SCN1A: variants seen among roughly 807,000 people sequenced by gnomAD.
SCN1A encodes the protein sodium voltage-gated channel alpha subunit 1.
A neutral mutation model predicts 193.7 loss-of-function variants in SCN1A; 13 were observed. The ratio of observed to expected loss-of-function variants is 0.07; its 90% CI spans 0.04 to 0.11. The LOEUF (loss-of-function observed/expected upper bound fraction) is 0.11. Ranked by LOEUF, SCN1A falls within the 10% of genes least tolerant of loss-of-function variation. The pLI, the probability that SCN1A is intolerant of heterozygous loss-of-function variation, is 1.00. For synonymous variants in SCN1A, 781 were observed against 843.6 expected, an observed-to-expected ratio of 0.93 and a Z score of 1.29; for missense variants, 1,432 against 2,451.1, an observed-to-expected ratio of 0.58 and a Z score of 8.78.
rs1688718939 is a variant in SCN1A at position 165,988,057 on chromosome 2, C to T, written c.*3188G>A. ...CCCTTTTCTGGTTGAGGCTATATTCCCTCTTCTGGCTTCACCTGATGACAA... is the reference window on the plus strand; with the variant it reads ...CCCTTTTCTGGTTGAGGCTATATTCTCTCTTCTGGCTTCACCTGATGACAA... On this transcript the variant is annotated 3_prime_UTR_variant, in exon 29 of 29. Coordinates refer to ENST00000674923, the MANE Select transcript of SCN1A (RefSeq NM_001165963.4). The T allele has an allele frequency of 6.6e-6, 1 of 151,952 alleles. No homozygotes were observed. The highest frequency in any genetic ancestry group is 1.5e-5 in the Non-Finnish European group (1 of 68,002). 9.4% of individuals were successfully genotyped at this position (151,952 alleles called of 1,614,324 possible).
Position 166,009,831 on chromosome 2 carries a change from A to G in SCN1A, c.3890T>C (p.Val1297Ala), listed in dbSNP as rs781267314. ...ACCCAAGGCATTTGCTGTTAAACTGACCAATGAAACCTGCACACACAAAAA... is the reference window on the plus strand; with the variant it reads ...ACCCAAGGCATTTGCTGTTAAACTGGCCAATGAAACCTGCACACACAAAAA... ...LDFLIVDVSL[V>A]SLTANALGYS... The change falls in exon 23 of 29, where the codon GTC (valine) becomes GCC (alanine). Residue 1297 changes from valine to alanine, a missense_variant. Coordinates refer to ENST00000674923, the MANE Select transcript of SCN1A (RefSeq NM_001165963.4). 1.9e-6 allele frequency: 3 copies of G among 1,606,632 alleles called. No individual in the cohort carries two copies. The highest frequency in any genetic ancestry group is 2.6e-6 in the Non-Finnish European group (3 of 1,174,668).
intron 19 of SCN1A, among the ~76,000 whole-genome samples, chr2:166,032,234 C>CACAG (rs1695722740): frequency 1.3e-5 from 2 of 151,736 alleles, no homozygotes; most frequent in Non-Finnish European, 3.0e-5. Flanking sequence ...CACACACACA[C>CACAG]AGAGACAGAG....
At chr2:165,993,718 T>C (rs1430273379) in intron 28 of SCN1A, 1 of 184,214 alleles carries the variant, frequency 5.4e-6, no homozygotes, top group Non-Finnish European at 1.1e-5. Context: ...ATACTTTTCC[T>C]TATCTTGAAA....
Position 165,999,795 on chromosome 2 carries a change from A to G in SCN1A, c.4285-19T>C. 6.4e-7 allele frequency: 1 copy of G among 1,574,352 alleles called. No homozygotes were observed. Among genetic ancestry groups the G allele is most frequent in the South Asian group, 1.1e-5 (1 of 90,290 alleles). ...ATGTGGCCTATTAAGAAGGACATGC[A>G]TGTTTTACTTTGGAGTAAAAATAAT... is the stretch of plus-strand genomic sequence containing the variant. On this transcript the variant is annotated intron_variant, in intron 24 of 28. Transcript: ENST00000674923.
At chr2:166,018,518 G>C (rs967126794) in intron 19 of SCN1A, among the ~76,000 whole-genome samples, 2 of 151,766 alleles carry the variant, frequency 1.3e-5, no homozygotes, top group African/African-American at 4.8e-5. Flanking sequence ...TTTATTTTTA[G>C]GATGCTTACC....
chr2:166,073,577 G>A lies in SCN1A; in HGVS notation c.45C>T (p.Asn15=), dbSNP rs1476577134. ...VLVPPGPDSF[N]FFTRESLAAI... ...CCGCAAGAGATTCTCTGGTGAAGAA[G>A]TTGAAGCTGTCAGGTCCTGGTGGTA... The change falls in exon 4 of 29, where the codon AAC becomes AAT. Residue 15 remains asparagine, a synonymous_variant. Transcript: ENST00000674923. 1.2e-6 allele frequency: 2 copies of A among 1,614,070 alleles called. No homozygotes were observed. Among genetic ancestry groups the A allele is most frequent in the African/African-American group, 2.7e-5 (2 of 74,932 alleles).
intron 2 of SCN1A, among the ~76,000 whole-genome samples, chr2:166,114,834 A>G (rs922547489): frequency 2.0e-5 from 3 of 152,176 alleles, no homozygotes; most frequent in Non-Finnish European, 4.4e-5. Flanking sequence ...TGAAAACACC[A>G]TAGGAATCCC....
At chr2:165,984,848 T>A (rs1202263953), downstream of SCN1A, 1 of 152,140 alleles carries the variant, frequency 6.6e-6, no homozygotes, top group East Asian at 1.9e-4. Context: ...TTCCAGCCCT[T>A]CCCTCATAAT....
intron 2 of SCN1A, among the ~76,000 whole-genome samples, chr2:166,094,163 A>G (rs548970410): frequency 6.6e-6 from 1 of 152,228 alleles, no homozygotes; most frequent in African/African-American, 2.4e-5. Flanking sequence ...TCTGATAAGA[A>G]AAAAAGAAAG....
At chr2:166,067,820 T>G (rs1684011484) in intron 4 of SCN1A, among the ~76,000 whole-genome samples, 1 of 150,596 alleles carries the variant, frequency 6.6e-6, no homozygotes, top group Non-Finnish European at 1.5e-5. Flanking sequence ...GACCCACCCC[T>G]TGGCAACACA....
At chr2:166,089,007 A>G (rs988879271) in intron 2 of SCN1A, among the ~76,000 whole-genome samples, 4 of 152,202 alleles carry the variant, frequency 2.6e-5, no homozygotes, top group African/African-American at 9.6e-5. Flanking sequence ...GCATAAGCAT[A>G]CCTCATACAA....
rs1691420956 is a variant in SCN1A at position 166,127,810 on chromosome 2, G to A, written c.-268C>T. 1 of 152,106 alleles carries A rather than the reference G, an allele frequency of 6.6e-6. No homozygotes were observed. Among genetic ancestry groups the A allele is most frequent in the Non-Finnish European group, 1.5e-5 (1 of 68,018 alleles). The allele number at this position is 152,106 out of a possible 1,614,324, so 9.4% of individuals were successfully genotyped here. A position where few individuals can be genotyped will look rare whatever the true frequency, so the allele number is the denominator to read the frequency against. On this transcript the variant is annotated 5_prime_UTR_variant, in exon 1 of 29. Coordinates refer to ENST00000674923, the MANE Select transcript of SCN1A (RefSeq NM_001165963.4). ...AATTATCCATCTGCAGTGAGGAACA[G>A]CATCACCCAAAGACGAGATGATAAC...
chr2:166,100,614 C>G (rs1322059660), intron 2 of SCN1A, among the ~76,000 whole-genome samples: 1 of 149,544 alleles, frequency 6.7e-6, no homozygotes, highest in Non-Finnish European at 1.5e-5. Flanking sequence ...ACCTACTCAT[C>G]TGACAAAGGG....
chr2:166,123,223 C>CAAAAAAAAAAAAAAAAAAAAAAAAA (rs57488795), intron 2 of SCN1A, among the ~76,000 whole-genome samples: 3 of 116,416 alleles, frequency 2.6e-5, no homozygotes, highest in Non-Finnish European at 3.4e-5. Flanking sequence ...CATTCATTTG[C>CAAAAAAAAAAAAAAAAAAAAAAAAA]AAAAAAAAAA....
In SCN1A at chr2:165,991,889, T is replaced by C; in HGVS notation, c.5386A>G (p.Ser1796Gly). The C allele has an allele frequency of 6.2e-7, 1 of 1,613,984 alleles. No individual in the cohort carries two copies. Among genetic ancestry groups the C allele is most frequent in the South Asian group, 1.1e-5 (1 of 91,084 alleles). Reference protein sequence around the residue: ...LENFSVATEESAEPLSEDDFE... With the variant: ...LENFSVATEEGAEPLSEDDFE... ...TCATCCTCACTCAGAGGCTCTGCAC[T>C]TTCTTCAGTAGCAACACTGAAGTTC... is the stretch of plus-strand genomic sequence containing the variant. Residue 1796 changes from serine to glycine, a missense_variant, in exon 29 of 29, where the codon AGT becomes GGT. Around this residue, in one of 18 missense-constraint regions of SCN1A, gnomAD observed 59 missense variants for 110.6 expected, o/e 0.53. Transcript: ENST00000674923.
Position 166,043,871 on chromosome 2 carries a change from T to G in SCN1A, c.1841A>C (p.His614Pro). Residue 614 changes from histidine (H) to proline (P), a missense_variant, in exon 14 of 29, where the codon CAC (histidine) becomes CCC (proline). His to Pro is a moderately conservative substitution (Grantham distance 77). This residue lies in a region of SCN1A where 316 missense variants were observed against 362.1 expected (regional missense o/e 0.87). Coordinates refer to ENST00000674923, the MANE Select transcript of SCN1A (RefSeq NM_001165963.4). ...CAGGTTGCTGTTGCGTCTCTCTCCG[T>G]GTCGTCGGGGCACAAACAAGGAATC... is the stretch of plus-strand genomic sequence containing the variant. ...RRDSLFVPRR[H>P]GERRNSNLSQ... is the part of the protein sequence containing the mutation. 1 of 1,614,168 alleles carries G rather than the reference T, an allele frequency of 6.2e-7. No individual in the cohort carries two copies. Among genetic ancestry groups the G allele is most frequent in the Non-Finnish European group, 8.5e-7 (1 of 1,180,020 alleles).
rs1357914205 is a variant in SCN1A, at chr2:166,041,271, A to G, written c.2375T>C (p.Met792Thr). ...TLFMAMEHYP[M>T]TDHFNNVLTV... is the part of the protein sequence containing the mutation. ...AAGCACATTATTGAAATGGTCCGTC[A>G]TTGGATAGTGCTCCATGGCCATGAA... Residue 792 changes from methionine to threonine, a missense_variant, in exon 16 of 29, where the codon ATG (methionine) becomes ACG (threonine). By Grantham distance (81) the Met-to-Thr change is moderately conservative (BLOSUM62 -1). This residue lies in a region of SCN1A where 93 missense variants were observed against 260.4 expected (regional missense o/e 0.36). Coordinates refer to ENST00000674923, the MANE Select transcript of SCN1A (RefSeq NM_001165963.4). The G allele has an allele frequency of 6.2e-7, 1 of 1,613,868 alleles. No homozygotes were observed. The highest frequency in any genetic ancestry group is 2.2e-5 in the East Asian group (1 of 44,872).
At chr2:166,059,082 T>C (rs1339260011) in intron 4 of SCN1A, among the ~76,000 whole-genome samples, 1 of 152,108 alleles carries the variant, frequency 6.6e-6, no homozygotes, top group East Asian at 1.9e-4. Context: ...AATTCAAATA[T>C]CTTGAAAATT....
intron 2 of SCN1A, among the ~76,000 whole-genome samples, chr2:166,084,258 G>T (rs893647417): frequency 8.2e-6 from 1 of 121,896 alleles, no homozygotes. Context: ...TCTCACTTCC[G>T]TTGCTGTCCT....
Sources: allele counts gnomAD v4.1 joint callset (sites outside exome capture counted in the v4.1 genomes callset), GRCh38; gene constraint gnomAD v4.1.1; regional missense constraint gnomAD v4.1.1; transcripts MANE v1.5; gene names NCBI Gene and HGNC (gene_info 2026-07-23, HGNC 2026-07-21).